SCRG1: variants seen among roughly 807,000 people sequenced by gnomAD.
SCRG1 encodes stimulator of chondrogenesis 1.
In SCRG1, 3 loss-of-function variants were observed where a neutral mutation model predicts 7.7. That is an observed-to-expected ratio of 0.39 (90% CI 0.18 to 1.01). The LOEUF (loss-of-function observed/expected upper bound fraction) is 1.01, where lower values mean the gene tolerates loss of function less well. Ranked by LOEUF, SCRG1 falls within the 50% of genes least tolerant of loss-of-function variation. SCRG1 has a pLI of 0.36. For synonymous variants in SCRG1, 46 were observed against 41.2 expected (o/e 1.12, Z -0.44); for missense variants, 110 against 117.2 (o/e 0.94, Z 0.28).
upstream of SCRG1, among the ~76,000 whole-genome samples, chr4:173,408,857 G>A (rs1487030893): frequency 6.6e-6 from 1 of 151,912 alleles, no homozygotes; most frequent in Non-Finnish European, 1.5e-5. Context: ...GCCGGATGTG[G>A]TGGCGGGCGC....
At chr4:173,449,799 G>A in the SCRG1 span, among the ~76,000 whole-genome samples, 1 of 152,136 alleles carries the variant, frequency 6.6e-6, no homozygotes. Context: ...GTTCTCAACT[G>A]GAAACATCTT....
chr4:173,429,581 C>G, the SCRG1 span, among the ~76,000 whole-genome samples: 1 of 152,160 alleles, frequency 6.6e-6, no homozygotes, highest in Non-Finnish European at 1.5e-5. Context: ...TAGGAATGAG[C>G]CACTGAACCC....
At chr4:173,434,551 C>T in the SCRG1 span, among the ~76,000 whole-genome samples, 1 of 152,176 alleles carries the variant, frequency 6.6e-6, no homozygotes, top group Admixed American at 6.5e-5. Context: ...AACTAAATTG[C>T]CGGGCGTGGT....
the SCRG1 span, among the ~76,000 whole-genome samples, chr4:173,503,102 C>T: frequency 2.0e-5 from 3 of 152,130 alleles, no homozygotes; most frequent in African/African-American, 2.4e-5. The surrounding 1 kb of genome is among the most constrained non-coding windows in gnomAD (Gnocchi z 6.4). Context: ...TCCCTGGGTA[C>T]GTCCCAGGGC....
chr4:173,484,421 A>T, the SCRG1 span, among the ~76,000 whole-genome samples: 14 of 69,108 alleles, frequency 2.0e-4, 1 homozygote, highest in African/African-American at 7.8e-4. Context: ...TATAATATAT[A>T]TTATATATTA....
At chr4:173,483,517 T>G in the SCRG1 span, among the ~76,000 whole-genome samples, 771 of 91,084 alleles carry the variant, frequency 8.5e-3, 147 homozygotes, top group African/African-American at 0.036. Context: ...ATATATAATA[T>G]ATATTATATA....
the SCRG1 span, among the ~76,000 whole-genome samples, chr4:173,483,807 A>ACG: frequency 1.4e-5 from 1 of 72,078 alleles, no homozygotes; most frequent in African/African-American, 6.3e-5. Context: ...ATGATATATG[A>ACG]TATGTAATAT....
chr4:173,441,991 C>G, the SCRG1 span, among the ~76,000 whole-genome samples: 1 of 152,216 alleles, frequency 6.6e-6, no homozygotes, highest in Non-Finnish European at 1.5e-5. Context: ...GTTTATGGCT[C>G]TATCCCACAC....
chr4:173,416,230 G>C, the SCRG1 span, among the ~76,000 whole-genome samples: 6 of 152,318 alleles, frequency 3.9e-5, no homozygotes, highest in African/African-American at 1.4e-4. Flanking sequence ...TTAAACATTT[G>C]CCAAGTGGGA....
intron 1 of SCRG1, among the ~76,000 whole-genome samples, chr4:173,394,566 C>A (rs1188286182): frequency 6.6e-6 from 1 of 152,112 alleles, no homozygotes; most frequent in Non-Finnish European, 1.5e-5. Context: ...ATCACTTGAA[C>A]CCAGGAGGCA....
chr4:173,478,834 C>A, the SCRG1 span, among the ~76,000 whole-genome samples: 1 of 152,192 alleles, frequency 6.6e-6, no homozygotes, highest in African/African-American at 2.4e-5. Flanking sequence ...ATAAAGAAAA[C>A]GAACGGACAC....
chr4:173,432,297 C>A, the SCRG1 span, among the ~76,000 whole-genome samples: 5,950 of 122,250 alleles, frequency 0.049, 313 homozygotes, highest in African/African-American at 0.16. Flanking sequence ...CTTCCTTCCT[C>A]CCCCCCTCCC....
chr4:173,495,701 G>A, the SCRG1 span, among the ~76,000 whole-genome samples: 1 of 152,186 alleles, frequency 6.6e-6, no homozygotes, highest in Non-Finnish European at 1.5e-5. Flanking sequence ...AAATCTTGAT[G>A]AGAAGTTGTA....
the SCRG1 span, among the ~76,000 whole-genome samples, chr4:173,516,875 T>C: frequency 6.6e-6 from 1 of 152,158 alleles, no homozygotes; most frequent in Non-Finnish European, 1.5e-5. Flanking sequence ...CTACTTTGCT[T>C]CCCTGGGTCT....
At chr4:173,492,347 G>C in the SCRG1 span, among the ~76,000 whole-genome samples, 4 of 152,076 alleles carry the variant, frequency 2.6e-5, no homozygotes, top group Non-Finnish European at 4.4e-5. Flanking sequence ...TGTCCCTTCA[G>C]CCTCCTGGTT....
the SCRG1 span, among the ~76,000 whole-genome samples, chr4:173,451,622 TTTACTTAC>T: frequency 7.9e-4 from 30 of 37,942 alleles, no homozygotes; most frequent in Admixed American, 5.2e-3. Context: ...TTTATTTTAT[TTTACTTAC>T]TTATTTTATT....
chr4:173,391,346 T>C lies in SCRG1; in HGVS notation c.69A>G (p.Ala23=). Residue 23 remains alanine, a synonymous_variant, in exon 2 of 3, where the codon GCA becomes GCG. Coordinates refer to ENST00000296506, the MANE Select transcript of SCRG1 (RefSeq NM_007281.4). Reference sequence around the variant, plus strand: ...TCTTTCTGTAGCAAGAGAGGCGATTTGCAGGCATGGCTTGAACTCCTAGCA... The same window carrying C: ...TCTTTCTGTAGCAAGAGAGGCGATTCGCAGGCATGGCTTGAACTCCTAGCA... ...TLLLGVQAMP[A]NRLSCYRKIL... 6.2e-7 allele frequency: 1 copy of C among 1,614,212 alleles called. No individual in the cohort carries two copies. The highest frequency in any genetic ancestry group is 8.5e-7 in the Non-Finnish European group (1 of 1,180,036).
At chr4:173,432,333 T>A in the SCRG1 span, among the ~76,000 whole-genome samples, 1 of 133,906 alleles carries the variant, frequency 7.5e-6, no homozygotes, top group Non-Finnish European at 1.6e-5. Flanking sequence ...CTTCCTTCCT[T>A]CCTTCCTCTT....
At chr4:173,484,414 A>T in the SCRG1 span, among the ~76,000 whole-genome samples, 20 of 62,902 alleles carry the variant, frequency 3.2e-4, no homozygotes, top group African/African-American at 1.3e-3. Flanking sequence ...ATATACATAT[A>T]ATATATATTA....
Sources: gnomAD v4.1 joint callset for allele counts (sites outside exome capture counted in the v4.1 genomes callset) on GRCh38, gnomAD v4.1.1 for gene constraint, Gnocchi (gnomAD v3.1) non-coding constraint, MANE v1.5 for transcripts, NCBI Gene and HGNC (gene_info 2026-07-23, HGNC 2026-07-21) for gene names.